ZNF730: variants seen among roughly 807,000 people sequenced by gnomAD.
ZNF730 encodes the protein putative zinc finger protein 730.
A neutral mutation model predicts 12.6 loss-of-function variants in ZNF730; 12 were observed. The ratio of observed to expected loss-of-function variants is 0.95; its 90% CI spans 0.61 to 1.54. ZNF730 has a LOEUF of 1.54. ZNF730 is among the 40% of genes most tolerant of loss of function. ZNF730 has a pLI of 0.00. For synonymous variants in ZNF730, 194 were observed against 195.8 expected (o/e 0.99, Z 0.08); for missense variants, 643 against 583.5 (o/e 1.10, Z -1.05).
chr19:23,127,101 C>T (rs1203293259), intron 1 of ZNF730: 5 of 509,958 alleles, frequency 9.8e-6, no homozygotes, highest in South Asian at 3.1e-5. Context: ...TCTTGTCCTT[C>T]TATGAGTTAG....
chr19:23,090,927 G>A (rs1229908857), intron 1 of ZNF730, among the ~76,000 whole-genome samples: 2 of 151,986 alleles, frequency 1.3e-5, no homozygotes, highest in African/African-American at 4.8e-5. Context: ...AACCCAGGAG[G>A]CGGTGGAGGT....
intron 3 of ZNF730, among the ~76,000 whole-genome samples, chr19:23,142,841 G>A (rs982679124): frequency 7.3e-5 from 11 of 151,372 alleles, no homozygotes; most frequent in Middle Eastern, 3.4e-3. Context: ...CTTTCTTTGT[G>A]TCTTTTTGAT....
At chr19:23,114,255 T>C (rs1831095939), upstream of ZNF730, among the ~76,000 whole-genome samples, 1 of 151,388 alleles carries the variant, frequency 6.6e-6, no homozygotes. Flanking sequence ...CTTTGCCCAA[T>C]AAAACTCTGT....
intron 2 of ZNF730, among the ~76,000 whole-genome samples, chr19:23,134,605 G>C (rs1191535268): frequency 2.1e-5 from 3 of 145,856 alleles, no homozygotes; most frequent in South Asian, 2.2e-4. Context: ...GTGGGGGGGG[G>C]GGTCAGCCCC....
At chr19:23,076,823 A>C (rs771362) in intron 1 of ZNF730, among the ~76,000 whole-genome samples, 43,507 of 152,004 alleles carry the variant, frequency 0.29, 6,852 homozygotes, top group African/African-American at 0.41. Flanking sequence ...CAACCTAGCA[A>C]TCCAGTTATT....
chr19:23,109,281 G>A (rs1970432598), intron 1 of ZNF730, among the ~76,000 whole-genome samples: 2 of 152,000 alleles, frequency 1.3e-5, no homozygotes, highest in African/African-American at 4.8e-5. Flanking sequence ...CCAGGCTGGA[G>A]TGCAGTGGTG....
intron 2 of ZNF730, 21 bp from the exon 3 acceptor site, chr19:23,135,927 A>G (rs770411953): frequency 5.6e-6 from 9 of 1,594,642 alleles, no homozygotes; most frequent in African/African-American, 1.3e-5. Context: ...AGCAAGATTC[A>G]TGTTATTTTT....
At chr19:23,136,621 G>T (rs1312656672) in intron 3 of ZNF730, among the ~76,000 whole-genome samples, 1 of 151,968 alleles carries the variant, frequency 6.6e-6, no homozygotes, top group Non-Finnish European at 1.5e-5. Flanking sequence ...AAATGTGTGA[G>T]AATAGTGGTT....
chr19:23,075,736 T>C (rs904739081), intron 1 of ZNF730, among the ~76,000 whole-genome samples: 7 of 151,998 alleles, frequency 4.6e-5, no homozygotes, highest in South Asian at 2.1e-4. Context: ...CAAGCTTTCC[T>C]GTTATTTTTT....
At chr19:23,106,412 T>C (rs1970393206) in intron 1 of ZNF730, among the ~76,000 whole-genome samples, 1 of 152,028 alleles carries the variant, frequency 6.6e-6, no homozygotes, top group African/African-American at 2.4e-5. Context: ...AAAAATACAT[T>C]GATTTGGAGT....
intron 1 of ZNF730, among the ~76,000 whole-genome samples, chr19:23,090,337 G>A (rs1970136046): frequency 6.6e-6 from 1 of 152,144 alleles, no homozygotes; most frequent in South Asian, 2.1e-4. Context: ...TTTTAGCAAA[G>A]TGACTGGTGG....
chr19:23,143,282 T>TA (rs1244157995), intron 3 of ZNF730, among the ~76,000 whole-genome samples: 1 of 152,148 alleles, frequency 6.6e-6, no homozygotes, highest in African/African-American at 2.4e-5. Flanking sequence ...TTTGGTTTGG[T>TA]AAAAAATTAA....
chr19:23,094,528 G>A (rs779735261), intron 1 of ZNF730, among the ~76,000 whole-genome samples: 11 of 151,892 alleles, frequency 7.2e-5, no homozygotes, highest in Admixed American at 2.0e-4. Flanking sequence ...TGTCACCCAG[G>A]CTGGGCACCA....
intron 3 of ZNF730, chr19:23,143,860 C>G (rs1008043686): frequency 1.3e-5 from 2 of 152,056 alleles, no homozygotes; most frequent in African/African-American, 2.4e-5. Context: ...TCCCAAGATG[C>G]TCTGTGACTT....
Position 23,084,022 on chromosome 19 carries a change from A to G in ZNF730, c.-94+8635A>G, listed in dbSNP as rs188312591. Among the ~76,000 whole-genome samples, 101 of 151,954 alleles carry G rather than the reference A, an allele frequency of 6.6e-4. 1 individual carries two copies. Among genetic ancestry groups the G allele is most frequent in the African/African-American group, 2.4e-3 (98 of 41,488 alleles). On this transcript the variant is annotated intron_variant, in intron 1 of 2. Coordinates refer to the ZNF730 transcript ENST00000593635. ...TCTAATGTTTTAAAACATTTTTTCT[A>G]TGTTTCTGTTTAATAGTTTCATAGT...
intron 3 of ZNF730, among the ~76,000 whole-genome samples, chr19:23,141,051 C>A (rs903363691): frequency 7.2e-5 from 11 of 151,940 alleles, no homozygotes; most frequent in Non-Finnish European, 1.3e-4. Flanking sequence ...TCGCTTGAGC[C>A]CCAAAATTTG....
chr19:23,126,333 A>G (rs1389573906), intron 1 of ZNF730, among the ~76,000 whole-genome samples: 2 of 152,222 alleles, frequency 1.3e-5, no homozygotes, highest in East Asian at 1.9e-4. Flanking sequence ...ACTTCTGAGT[A>G]TGATGAGTGC....
At chr19:23,145,249 T>C (rs1405059036) in intron 3 of ZNF730, 22 bp from the exon 4 acceptor site, 2 of 1,448,402 alleles carry the variant, frequency 1.4e-6, no homozygotes, top group Non-Finnish European at 1.8e-6. Flanking sequence ...ATGCAGTAAT[T>C]TGTTATTTTT....
At chr19:23,133,327 G>GT (rs1233706312) in intron 1 of ZNF730, among the ~76,000 whole-genome samples, 17 of 150,790 alleles carry the variant, frequency 1.1e-4, no homozygotes, top group South Asian at 4.2e-4. Context: ...GTCATCTTGT[G>GT]TTTTTTTTGT....
Sources: gnomAD v4.1 joint callset for allele counts (sites outside exome capture counted in the v4.1 genomes callset) on GRCh38, gnomAD v4.1.1 for gene constraint, MANE v1.5 for transcripts, NCBI Gene and HGNC (gene_info 2026-07-23, HGNC 2026-07-21) for gene names.